Variants in CTXN2 observed in about 807,000 individuals in gnomAD.
CTXN2 encodes cortexin 2.
A neutral mutation model predicts 5.7 loss-of-function variants in CTXN2; 3 were observed. The ratio of observed to expected loss-of-function variants is 0.53; its 90% CI spans 0.24 to 1.36. The LOEUF (loss-of-function observed/expected upper bound fraction) is 1.36, where lower values mean the gene tolerates loss of function less well. Ranked by LOEUF, CTXN2 falls within the 40% of genes most tolerant of loss-of-function variation. The pLI, the probability that CTXN2 is intolerant of heterozygous loss-of-function variation, is 0.17. For synonymous variants in CTXN2, 38 were observed against 36.4 expected, an observed-to-expected ratio of 1.04 and a Z score of -0.16; for missense variants, 87 against 93.0, an observed-to-expected ratio of 0.94 and a Z score of 0.26.
At chr15:48,198,775 G>A (rs1022865787) in intron 1 of CTXN2, among the ~76,000 whole-genome samples, 3 of 152,114 alleles carry the variant, frequency 2.0e-5, no homozygotes, top group African/African-American at 7.2e-5. Flanking sequence ...CCAACAATCA[G>A]CTATGATACT....
upstream of CTXN2, among the ~76,000 whole-genome samples, chr15:48,189,865 G>A (rs2040797192): frequency 6.6e-6 from 1 of 152,122 alleles, no homozygotes; most frequent in Non-Finnish European, 1.5e-5. Context: ...CTGGAGTGCA[G>A]TGGCACAATC....
At chr15:48,190,423 C>A (rs1398870769), upstream of CTXN2, among the ~76,000 whole-genome samples, 9 of 152,108 alleles carry the variant, frequency 5.9e-5, no homozygotes, top group Non-Finnish European at 1.3e-4. Flanking sequence ...TTTAGGACAT[C>A]TTAATAGTTT....
intron 1 of CTXN2, among the ~76,000 whole-genome samples, chr15:48,195,252 T>C (rs568679689): frequency 6.6e-6 from 1 of 152,200 alleles, no homozygotes; most frequent in East Asian, 1.9e-4. Context: ...TTGGGCCCAC[T>C]ACTTTCCAAA....
At chr15:48,180,249 A>G (rs1178429515) in intron 1 of CTXN2, among the ~76,000 whole-genome samples, 1 of 152,190 alleles carries the variant, frequency 6.6e-6, no homozygotes, top group African/African-American at 2.4e-5. Flanking sequence ...TAGTCCTGAT[A>G]AAGAGCAGAG....
chr15:48,183,418 G>A (rs1275811153), intron 1 of CTXN2, among the ~76,000 whole-genome samples: 1 of 152,174 alleles, frequency 6.6e-6, no homozygotes, highest in Non-Finnish European at 1.5e-5. Flanking sequence ...TAACTTTTAC[G>A]ATGATTTGTT....
At chr15:48,186,839 G>A (rs2040761484), upstream of CTXN2, among the ~76,000 whole-genome samples, 1 of 151,218 alleles carries the variant, frequency 6.6e-6, no homozygotes, top group Admixed American at 6.6e-5. Flanking sequence ...GAACCCAGGA[G>A]GCAGAGGTTG....
At chr15:48,199,268 G>A (rs2040907856) in intron 1 of CTXN2, among the ~76,000 whole-genome samples, 1 of 152,158 alleles carries the variant, frequency 6.6e-6, no homozygotes, top group African/African-American at 2.4e-5. Flanking sequence ...CTCTGCAATC[G>A]AGGCAATCAG....
upstream of CTXN2, among the ~76,000 whole-genome samples, chr15:48,188,837 C>G (rs533717236): frequency 2.0e-5 from 3 of 152,266 alleles, no homozygotes; most frequent in Admixed American, 2.0e-4. Context: ...ACCTGAAGTA[C>G]AAGTATTCTG....
At chr15:48,191,562 C>T (rs2040822423), upstream of CTXN2, 1 of 379,216 alleles carries the variant, frequency 2.6e-6, no homozygotes, top group South Asian at 1.9e-5. Flanking sequence ...CACAGACACA[C>T]GCGAGCGCAA....
chr15:48,188,451 G>T (rs1458024700), upstream of CTXN2, among the ~76,000 whole-genome samples: 1 of 151,966 alleles, frequency 6.6e-6, no homozygotes, highest in Non-Finnish European at 1.5e-5. Context: ...ATGCTTTTGG[G>T]GATATATCTA....
intron 1 of CTXN2, among the ~76,000 whole-genome samples, chr15:48,196,779 A>G (rs1279776609): frequency 6.6e-6 from 1 of 152,102 alleles, no homozygotes; most frequent in African/African-American, 2.4e-5. Context: ...TGGGTTTGCA[A>G]CAAAGATCAA....
intron 1 of CTXN2, 129 bp downstream of exon 1, chr15:48,191,982 G>A (rs1597384544): frequency 7.9e-6 from 3 of 381,550 alleles, no homozygotes; most frequent in East Asian, 1.5e-4. Context: ...AAAGAGCGGG[G>A]GGTGGGGCGG....
chr15:48,190,254 T>A (rs1347035957), upstream of CTXN2: 1 of 152,204 alleles, frequency 6.6e-6, no homozygotes, highest in East Asian at 1.9e-4. Flanking sequence ...TTCATATGCA[T>A]GTTATACTTC....
At chr15:48,179,545 A>G (rs1162592433) in intron 1 of CTXN2, among the ~76,000 whole-genome samples, 1 of 152,210 alleles carries the variant, frequency 6.6e-6, no homozygotes, top group African/African-American at 2.4e-5. Context: ...TAATCGCAGA[A>G]AGGGCATTCA....
At chr15:48,195,642 G>A (rs2040871283) in intron 1 of CTXN2, among the ~76,000 whole-genome samples, 1 of 151,978 alleles carries the variant, frequency 6.6e-6, no homozygotes, top group South Asian at 2.1e-4. Flanking sequence ...TGTCTCTCAA[G>A]ACTCAGTTCA....
At chr15:48,181,279 T>C (rs1352038646) in intron 1 of CTXN2, among the ~76,000 whole-genome samples, 1 of 152,232 alleles carries the variant, frequency 6.6e-6, no homozygotes, top group Non-Finnish European at 1.5e-5. Context: ...TACCTTAATC[T>C]TTCGCCATCC....
chr15:48,182,805 C>T (rs748408508), intron 1 of CTXN2, among the ~76,000 whole-genome samples: 5 of 152,074 alleles, frequency 3.3e-5, no homozygotes, highest in Non-Finnish European at 7.4e-5. Context: ...ATTAGTAAGG[C>T]TGAGAGGGCA....
chr15:48,192,503 C>T (rs2040833897), intron 1 of CTXN2: 3 of 152,390 alleles, frequency 2.0e-5, no homozygotes, highest in Admixed American at 2.0e-4. Flanking sequence ...TGATTAACTA[C>T]CTCTGTGCAG....
chr15:48,195,538 C>A (rs1013612630), intron 1 of CTXN2, among the ~76,000 whole-genome samples: 1 of 152,142 alleles, frequency 6.6e-6, no homozygotes, highest in African/African-American at 2.4e-5. Context: ...CTTGCCTGTA[C>A]CAAATTGCTC....
Sources: allele counts gnomAD v4.1 joint callset (sites outside exome capture counted in the v4.1 genomes callset), GRCh38; gene constraint gnomAD v4.1.1; transcripts MANE v1.5; gene names NCBI Gene and HGNC (gene_info 2026-07-23, HGNC 2026-07-21).